Variants in PYROXD1 observed in about 807,000 individuals in gnomAD.
The protein encoded by PYROXD1 is tRNA ligase complex-associated NAD(P)H dehydrogenase PYROXD1.
PYROXD1 carries 42 observed loss-of-function variants against 62.0 expected under a neutral mutation model. The ratio of observed to expected loss-of-function variants is 0.68; its 90% CI spans 0.53 to 0.88. PYROXD1 has a LOEUF of 0.88. Ranked by LOEUF, PYROXD1 falls within the 40% of genes least tolerant of loss-of-function variation. The pLI, the probability that PYROXD1 is intolerant of heterozygous loss-of-function variation, is 0.00. For missense variants in PYROXD1, 493 were observed against 604.8 expected, an observed-to-expected ratio of 0.82 and a Z score of 1.94; for synonymous variants, 170 against 206.4, an observed-to-expected ratio of 0.82 and a Z score of 1.51.
intron 2 of PYROXD1, among the ~76,000 whole-genome samples, chr12:21,444,011 T>A (rs925292016): frequency 6.6e-6 from 1 of 152,238 alleles, no homozygotes; most frequent in African/African-American, 2.4e-5. Context: ...CTCATAAGTA[T>A]CTTTCCAGAA....
intron 3 of PYROXD1, among the ~76,000 whole-genome samples, chr12:21,445,954 G>A (rs1942378844): frequency 6.6e-6 from 1 of 152,138 alleles, no homozygotes. Flanking sequence ...TCCCCAGGTG[G>A]AAAGAGGCAT....
intron 5 of PYROXD1, 112 bp downstream of exon 5, chr12:21,452,266 T>C: frequency 1.4e-6 from 1 of 698,426 alleles, no homozygotes. Context: ...CTGGAAAATG[T>C]TTTTTATTCT....
At chr12:21,462,619 TC>T in intron 9 of PYROXD1, 120 bp from the exon 10 acceptor site, 1 of 1,138,418 alleles carries the variant, frequency 8.8e-7, no homozygotes. Context: ...CTGATATTTT[TC>T]ATTTTCTCAT....
chr12:21,450,579 A>G (rs1271752420), intron 4 of PYROXD1, among the ~76,000 whole-genome samples: 1 of 152,198 alleles, frequency 6.6e-6, no homozygotes, highest in East Asian at 1.9e-4. Flanking sequence ...ATTAACCCTT[A>G]TTGCCAAGAA....
At chr12:21,446,237 C>G (rs1203136922) in intron 3 of PYROXD1, among the ~76,000 whole-genome samples, 1 of 152,100 alleles carries the variant, frequency 6.6e-6, no homozygotes, top group African/African-American at 2.4e-5. Context: ...TCCTGGCTAA[C>G]ATGGTGAAAC....
intron 4 of PYROXD1, among the ~76,000 whole-genome samples, chr12:21,451,207 A>T (rs1942489960): frequency 6.7e-6 from 1 of 148,642 alleles, no homozygotes; most frequent in Non-Finnish European, 1.5e-5. Flanking sequence ...TGCCCAAAGA[A>T]TTACCACTGG....
At chr12:21,456,797 C>T in intron 7 of PYROXD1, 1 of 424,110 alleles carries the variant, frequency 2.4e-6, no homozygotes, top group South Asian at 1.7e-5. Context: ...TTTCAAAAGT[C>T]AATTCTCTCA....
intron 7 of PYROXD1, among the ~76,000 whole-genome samples, chr12:21,457,752 A>C: frequency 6.6e-6 from 1 of 152,062 alleles, no homozygotes; most frequent in Admixed American, 6.6e-5. Context: ...ATCTCATGAG[A>C]ACTCTAACAT....
At chr12:21,438,616 G>T (rs778052054) in intron 1 of PYROXD1, 8 of 152,282 alleles carry the variant, frequency 5.3e-5, no homozygotes, top group South Asian at 4.1e-4. Flanking sequence ...AATCAGCGAA[G>T]GATTAAATGC....
At chr12:21,467,778 C>T (rs75283180) in intron 11 of PYROXD1, among the ~76,000 whole-genome samples, 160 bp downstream of exon 11, 1 of 151,892 alleles carries the variant, frequency 6.6e-6, no homozygotes, top group African/African-American at 2.4e-5. Flanking sequence ...GGTATTATTG[C>T]TAGTCTTAAT....
chr12:21,441,468 TTTC>T (rs1942293638), intron 2 of PYROXD1, among the ~76,000 whole-genome samples: 2 of 152,150 alleles, frequency 1.3e-5, no homozygotes, highest in Admixed American at 6.5e-5. Flanking sequence ...TTCATTCTTT[TTTC>T]TTCTTCTTCC....
At chr12:21,444,464 T>C (rs1942350155) in intron 2 of PYROXD1, among the ~76,000 whole-genome samples, 1 of 152,218 alleles carries the variant, frequency 6.6e-6, no homozygotes, top group South Asian at 2.1e-4. Context: ...CTCTGTATTA[T>C]GTATTGTTTG....
At chr12:21,465,028 C>T (rs1591957625) in intron 10 of PYROXD1, among the ~76,000 whole-genome samples, 1 of 152,238 alleles carries the variant, frequency 6.6e-6, no homozygotes, top group East Asian at 1.9e-4. Flanking sequence ...CATAGTATTC[C>T]ATGGTGTATA....
At chr12:21,452,207 G>A (rs1848803281) in intron 5 of PYROXD1, 53 bp downstream of exon 5, 4 of 1,171,406 alleles carry the variant, frequency 3.4e-6, no homozygotes, top group South Asian at 4.3e-5. Flanking sequence ...AAAATAATTT[G>A]TTTTTAAATT....
rs1275228051 is a variant in PYROXD1, at chr12:21,470,281, G to A, written c.*1527G>A. On this transcript the variant is annotated 3_prime_UTR_variant, in exon 12 of 12. Coordinates refer to ENST00000240651, the MANE Select transcript of PYROXD1 (RefSeq NM_024854.5). ...TGTTTGCAGCCTTCTTCTGGAAGTTGCCTGAATTTTTTTCCTCCATCTTTT... is the reference window on the plus strand; with the variant it reads ...TGTTTGCAGCCTTCTTCTGGAAGTTACCTGAATTTTTTTCCTCCATCTTTT... 6.2e-7 allele frequency: 1 copy of A among 1,604,590 alleles called. No individual in the cohort carries two copies. Among genetic ancestry groups the A allele is most frequent in the Non-Finnish European group, 8.5e-7 (1 of 1,177,250 alleles).
chr12:21,439,468 T>G (rs1193954029), intron 1 of PYROXD1, among the ~76,000 whole-genome samples: 1 of 152,158 alleles, frequency 6.6e-6, no homozygotes, highest in Non-Finnish European at 1.5e-5. Context: ...AAAATGAGAC[T>G]GAGAAGAATC....
rs1942364327 is a variant in PYROXD1, at chr12:21,445,264, A to T, written c.166-83A>T. 2.2e-6 allele frequency: 3 copies of T among 1,363,470 alleles called. No homozygotes were observed. In the East Asian group the frequency reaches 7.8e-5, roughly 36 times the overall value. The allele number at this position is 1,363,470 out of a possible 1,614,324, so 84.5% of individuals were successfully genotyped here. On this transcript the variant is annotated intron_variant, in intron 2 of 11. Coordinates refer to ENST00000240651, the MANE Select transcript of PYROXD1 (RefSeq NM_024854.5). ...TTTTATAAACACAAAATAGTGTGTA[A>T]AAGCAAAGTATTTTTATTATTTAAG...
chr12:21,458,755 C>T (rs953732183), intron 7 of PYROXD1, among the ~76,000 whole-genome samples: 3 of 152,160 alleles, frequency 2.0e-5, no homozygotes, highest in Admixed American at 1.3e-4. Context: ...GAACATTTAT[C>T]GATTAAGTTC....
chr12:21,459,282 A>G (rs934507392), intron 7 of PYROXD1, among the ~76,000 whole-genome samples: 1 of 152,180 alleles, frequency 6.6e-6, no homozygotes, highest in Non-Finnish European at 1.5e-5. Context: ...CACAGTTTCC[A>G]TGAAAACCCA....
Sources: gnomAD v4.1 joint callset for allele counts (sites outside exome capture counted in the v4.1 genomes callset) on GRCh38, gnomAD v4.1.1 for gene constraint, MANE v1.5 for transcripts, NCBI Gene and HGNC (gene_info 2026-07-23, HGNC 2026-07-21) for gene names.